The following LRRN3 variants were observed in gnomAD, a reference collection of about 807,000 sequenced individuals.
LRRN3 encodes the protein leucine rich repeat neuronal 3.
A neutral mutation model predicts 40.1 loss-of-function variants in LRRN3; 15 were observed. The observed-to-expected ratio is 0.37, with a 90% CI of 0.25 to 0.58. The LOEUF (loss-of-function observed/expected upper bound fraction) is 0.58. Ranked by LOEUF, LRRN3 falls within the 20% of genes least tolerant of loss-of-function variation. The pLI, the probability that LRRN3 is intolerant of heterozygous loss-of-function variation, is 0.72. For synonymous variants in LRRN3, 308 were observed against 297.2 expected, an observed-to-expected ratio of 1.04 and a Z score of -0.37; for missense variants, 746 against 837.7, an observed-to-expected ratio of 0.89 and a Z score of 1.35.
intron 2 of LRRN3, among the ~76,000 whole-genome samples, chr7:111,101,447 TCCA>T (rs1797965354): frequency 6.6e-6 from 1 of 151,514 alleles, no homozygotes; most frequent in African/African-American, 2.4e-5. Flanking sequence ...CACCTAAGAA[TCCA>T]TACTTATTTT....
chr7:111,100,716 G>T (rs893376744), intron 2 of LRRN3, among the ~76,000 whole-genome samples: 2 of 151,068 alleles, frequency 1.3e-5, no homozygotes, highest in Non-Finnish European at 3.0e-5. Flanking sequence ...TTTTGTTTTT[G>T]TAATTTTAGA....
chr7:111,098,940 T>C (rs765038868), intron 1 of LRRN3, among the ~76,000 whole-genome samples: 13 of 151,818 alleles, frequency 8.6e-5, no homozygotes, highest in Non-Finnish European at 1.8e-4. Flanking sequence ...TTTCATATCA[T>C]GCATTCTGCT....
chr7:111,104,702 T>C (rs1358547073), intron 2 of LRRN3, among the ~76,000 whole-genome samples: 1 of 151,760 alleles, frequency 6.6e-6, no homozygotes, highest in Non-Finnish European at 1.5e-5. Flanking sequence ...GGATGAAAAG[T>C]GTGAAGGACT....
Position 111,122,781 on chromosome 7 carries a change from C to A in LRRN3, c.9C>A (p.Asp3Glu). ...TGAAGAAGAAAGCTAAGATGAAGGACATGCCACTCCGAATTCATGTGCTAC... is the reference window on the plus strand; with the variant it reads ...TGAAGAAGAAAGCTAAGATGAAGGAAATGCCACTCCGAATTCATGTGCTAC... MK[D>E]MPLRIHVLLG... The change falls in exon 3 of 3, where the codon GAC becomes GAA. Residue 3 changes from aspartate to glutamate, a missense_variant. Transcript: ENST00000308478. 6.2e-7 allele frequency: 1 copy of A among 1,611,672 alleles called. No individual in the cohort carries two copies. Among genetic ancestry groups the A allele is most frequent in the Non-Finnish European group, 8.5e-7 (1 of 1,178,676 alleles).
At chr7:111,114,516 T>C (rs1464253177) in intron 2 of LRRN3, among the ~76,000 whole-genome samples, 1 of 152,030 alleles carries the variant, frequency 6.6e-6, no homozygotes, top group Non-Finnish European at 1.5e-5. Flanking sequence ...GGAGGGCAGA[T>C]CATTAGGTCA....
chr7:111,093,957 T>G (rs974115430), intron 1 of LRRN3, among the ~76,000 whole-genome samples: 5 of 152,132 alleles, frequency 3.3e-5, no homozygotes, highest in African/African-American at 4.8e-5. Flanking sequence ...AGGTGGTGGT[T>G]GTTGTTGTTA....
chr7:111,121,656 G>A (rs141389685), intron 2 of LRRN3, among the ~76,000 whole-genome samples: 2,592 of 152,256 alleles, frequency 0.017, 44 homozygotes, highest in Admixed American at 0.056. Context: ...TTCAACCATT[G>A]TAGAAGACAG....
chr7:111,118,594 A>G (rs1800177281), intron 2 of LRRN3, among the ~76,000 whole-genome samples: 1 of 152,090 alleles, frequency 6.6e-6, no homozygotes, highest in Non-Finnish European at 1.5e-5. Context: ...TCACCAACCT[A>G]TCTCACAAGT....
At chr7:111,120,372 C>A (rs890881107) in intron 2 of LRRN3, among the ~76,000 whole-genome samples, 4 of 152,054 alleles carry the variant, frequency 2.6e-5, no homozygotes, top group African/African-American at 7.2e-5. Context: ...GAGAATGAGA[C>A]TCAAGCAAAA....
rs144861782 is a variant in LRRN3, at chr7:111,123,902, G to A, written c.1130G>A (p.Arg377His). The change falls in exon 3 of 3, where the codon CGT becomes CAT. Residue 377 changes from arginine (R) to histidine (H), a missense_variant. By Grantham distance (29) the Arg-to-His change is conservative. Coordinates refer to ENST00000308478, the MANE Select transcript of LRRN3 (RefSeq NM_001099658.2). The surrounding 1 kb of genome is among the most constrained non-coding windows in gnomAD (Gnocchi z 6.4). ...SNPIRCDCVI[R>H]WMNMNKTNIR... is the part of the protein sequence containing the mutation. ...CCCATCAGGTGTGACTGTGTCATCC[G>A]TTGGATGAACATGAACAAAACCAAC... The A allele has an allele frequency of 5.9e-5, 96 of 1,613,854 alleles. No individual in the cohort carries two copies. Among genetic ancestry groups the A allele is most frequent in the Non-Finnish European group, 7.0e-5 (83 of 1,179,992 alleles).
intron 2 of LRRN3, among the ~76,000 whole-genome samples, chr7:111,117,969 G>A (rs566020587): frequency 6.6e-6 from 1 of 152,018 alleles, no homozygotes; most frequent in Non-Finnish European, 1.5e-5. Flanking sequence ...AAAAGACAGT[G>A]GATTTTAAAT....
chr7:111,104,853 G>C (rs974943623), intron 2 of LRRN3, among the ~76,000 whole-genome samples: 1 of 151,724 alleles, frequency 6.6e-6, no homozygotes, highest in Non-Finnish European at 1.5e-5. Context: ...AGAGGGTCAT[G>C]GCTTCTAGAA....
Position 111,125,041 on chromosome 7 carries a change from C to A in LRRN3, c.*142C>A. ...TTTCGAGAGAGAAGTTTAAGCTTCA[C>A]CAATGCTGCTCCTGACCAATGGAAA... On this transcript the variant is annotated 3_prime_UTR_variant, in exon 3 of 3. Transcript: ENST00000308478. The A allele has an allele frequency of 1.6e-6, 1 of 634,950 alleles. No homozygotes were observed. The allele number at this position is 634,950 out of a possible 1,614,324, so 39.3% of individuals were successfully genotyped here. A position where few individuals can be genotyped will look rare whatever the true frequency, so the allele number is the denominator to read the frequency against.
intron 2 of LRRN3, among the ~76,000 whole-genome samples, chr7:111,105,912 A>C (rs939718544): frequency 6.6e-6 from 1 of 151,988 alleles, no homozygotes; most frequent in African/African-American, 2.4e-5. Context: ...GTATGTATCA[A>C]ATCTACGCAT....
Position 111,123,692 on chromosome 7 carries a change from A to T in LRRN3, c.920A>T (p.Asn307Ile), listed in dbSNP as rs758915597. ...LISIDSLAVD[N>I]LPDLRKIEAT... ...TCCATCGATAGTCTTGCTGTGGATA[A>T]CCTGCCAGATTTAAGAAAAATAGAA... The change falls in exon 3 of 3, where the codon AAC becomes ATC. Residue 307 changes from asparagine to isoleucine, a missense_variant. Asn to Ile is a moderately radical substitution (Grantham distance 149). Coordinates refer to ENST00000308478, the MANE Select transcript of LRRN3 (RefSeq NM_001099658.2). This position sits in a 1 kb window ranked among gnomAD's most constrained non-coding sequence, Gnocchi z 6.4. 1 of 1,613,924 alleles carries T rather than the reference A, an allele frequency of 6.2e-7. No homozygotes were observed. Among genetic ancestry groups the T allele is most frequent in the Non-Finnish European group, 8.5e-7 (1 of 1,179,944 alleles).
intron 2 of LRRN3, among the ~76,000 whole-genome samples, chr7:111,119,547 T>C (rs1800328763): frequency 6.6e-6 from 1 of 152,246 alleles, no homozygotes; most frequent in African/African-American, 2.4e-5. Context: ...GCCTGAATTT[T>C]AATCTCTGGA....
intron 2 of LRRN3, among the ~76,000 whole-genome samples, chr7:111,113,147 T>C (rs1563256506): frequency 1.3e-5 from 2 of 152,168 alleles, no homozygotes; most frequent in African/African-American, 4.8e-5. Flanking sequence ...TGTAATAATA[T>C]TGTAACTAAA....
Position 111,122,923 on chromosome 7 carries a change from T to C in LRRN3, c.151T>C (p.Ser51Pro). The C allele has an allele frequency of 6.2e-7, 1 of 1,614,074 alleles. No homozygotes were observed. The highest frequency in any genetic ancestry group is 8.5e-7 in the Non-Finnish European group (1 of 1,179,964). ...ACCCAGATCCATTTATATGGAAGCA[T>C]CTACAGTGGATTGTAATGATTTAGG... Reference protein sequence around the residue: ...FTPRSIYMEASTVDCNDLGLL... With the variant: ...FTPRSIYMEAPTVDCNDLGLL... Residue 51 changes from serine (S) to proline (P), a missense_variant, in exon 3 of 3, where the codon TCT becomes CCT. Ser to Pro is a moderately conservative substitution (Grantham distance 74). Transcript: ENST00000308478.
intron 1 of LRRN3, among the ~76,000 whole-genome samples, chr7:111,099,183 G>C (rs1466608212): frequency 6.6e-6 from 1 of 151,654 alleles, no homozygotes; most frequent in Non-Finnish European, 1.5e-5. Flanking sequence ...AGTATAATAA[G>C]TGACACAAAA....
Sources: gnomAD v4.1 joint callset for allele counts (sites outside exome capture counted in the v4.1 genomes callset) on GRCh38, gnomAD v4.1.1 for gene constraint, Gnocchi (gnomAD v3.1) non-coding constraint, MANE v1.5 for transcripts, NCBI Gene and HGNC (gene_info 2026-07-23, HGNC 2026-07-21) for gene names.